The following CNTLN variants were observed in gnomAD, a reference collection of about 807,000 sequenced individuals.
The protein encoded by CNTLN is centlein, centrosomal protein.
CNTLN carries 212 observed loss-of-function variants against 180.0 expected under a neutral mutation model. The ratio of observed to expected loss-of-function variants is 1.18; its 90% CI spans 1.05 to 1.32. The LOEUF is 1.32. CNTLN is among the 40% of genes most tolerant of loss of function. The pLI is 0.00. For synonymous variants in CNTLN, 722 were observed against 563.1 expected, an observed-to-expected ratio of 1.28 and a Z score of -3.99; for missense variants, 2,095 against 1,610.9, an observed-to-expected ratio of 1.30 and a Z score of -5.14.
At chr9:17,160,047 A>T (rs368819150) in intron 2 of CNTLN, among the ~76,000 whole-genome samples, 5 of 152,186 alleles carry the variant, frequency 3.3e-5, no homozygotes, top group African/African-American at 1.2e-4. Context: ...TGTGATAGAG[A>T]TTGTGAATTC....
chr9:17,275,882 C>G (rs1417698293), intron 6 of CNTLN, among the ~76,000 whole-genome samples: 4 of 151,940 alleles, frequency 2.6e-5, no homozygotes, highest in African/African-American at 4.8e-5. Flanking sequence ...AATGCAGGAA[C>G]AAAAAACCAA....
chr9:17,218,950 A>G (rs1823946488), intron 2 of CNTLN, among the ~76,000 whole-genome samples: 1 of 152,154 alleles, frequency 6.6e-6, no homozygotes, highest in South Asian at 2.1e-4. Context: ...ATGATTCAGA[A>G]TAATTTCTCA....
intron 5 of CNTLN, among the ~76,000 whole-genome samples, chr9:17,238,891 A>G (rs1487736589): frequency 6.6e-6 from 1 of 152,152 alleles, no homozygotes; most frequent in African/African-American, 2.4e-5. Flanking sequence ...AGGAACTGCT[A>G]GACTATTTTC....
At chr9:17,518,271 A>G in the CNTLN span, among the ~76,000 whole-genome samples, 99 of 147,472 alleles carry the variant, frequency 6.7e-4, no homozygotes, top group African/African-American at 2.3e-3. Flanking sequence ...CTGGTCTTGA[A>G]CTCCTGACCT....
intron 5 of CNTLN, among the ~76,000 whole-genome samples, chr9:17,264,525 G>T (rs1827258497): frequency 6.7e-6 from 1 of 150,086 alleles, no homozygotes; most frequent in Non-Finnish European, 1.5e-5. Flanking sequence ...TGGGTGATGT[G>T]GGCTCTCTTT....
intron 2 of CNTLN, among the ~76,000 whole-genome samples, chr9:17,225,412 C>G (rs373722984): frequency 1.1e-4 from 17 of 152,020 alleles, no homozygotes; most frequent in East Asian, 7.7e-4. Context: ...ATTTGTGATT[C>G]TCACAGATAT....
intron 2 of CNTLN, among the ~76,000 whole-genome samples, chr9:17,172,072 G>A (rs1276157180): frequency 6.6e-6 from 1 of 152,144 alleles, no homozygotes. Flanking sequence ...TAGTGCAGCT[G>A]TAGTTCTGGG....
chr9:17,227,915 C>T (rs1824573664), intron 3 of CNTLN, among the ~76,000 whole-genome samples: 2 of 152,016 alleles, frequency 1.3e-5, no homozygotes, highest in African/African-American at 4.8e-5. Flanking sequence ...TAAATGTTGT[C>T]ATGTGCCTGG....
intron 18 of CNTLN, among the ~76,000 whole-genome samples, chr9:17,444,476 C>T (rs964382801): frequency 1.3e-5 from 2 of 152,120 alleles, no homozygotes; most frequent in African/African-American, 4.8e-5. Flanking sequence ...CATTGCAGTA[C>T]TTATGTATTC....
intron 23 of CNTLN, among the ~76,000 whole-genome samples, chr9:17,477,823 C>A (rs979604456): frequency 6.6e-6 from 1 of 152,206 alleles, no homozygotes; most frequent in African/African-American, 2.4e-5. Context: ...ATTCCATAAA[C>A]TTAGTTGATA....
intron 2 of CNTLN, among the ~76,000 whole-genome samples, chr9:17,225,770 T>C (rs1271272842): frequency 6.6e-6 from 1 of 151,992 alleles, no homozygotes; most frequent in Non-Finnish European, 1.5e-5. Context: ...TATAGGAAGG[T>C]GTCAGAAATC....
At chr9:17,365,202 T>C (rs1177862154) in intron 12 of CNTLN, among the ~76,000 whole-genome samples, 2 of 152,246 alleles carry the variant, frequency 1.3e-5, no homozygotes, top group South Asian at 2.1e-4. Context: ...TGCTGTTCCA[T>C]TGATAGTGAG....
chr9:17,339,821 T>C (rs1021704480), intron 10 of CNTLN, among the ~76,000 whole-genome samples: 6 of 152,172 alleles, frequency 3.9e-5, no homozygotes, highest in African/African-American at 1.2e-4. Flanking sequence ...TTTATATATA[T>C]CTAAAAATGA....
chr9:17,452,405 GA>G (rs1409976517), intron 18 of CNTLN, among the ~76,000 whole-genome samples: 6 of 152,118 alleles, frequency 3.9e-5, no homozygotes, highest in African/African-American at 1.4e-4. Context: ...TCTAAGCTAG[GA>G]CATTCAATGC....
chr9:17,430,751 T>C (rs1297867878), intron 18 of CNTLN, among the ~76,000 whole-genome samples: 7 of 152,116 alleles, frequency 4.6e-5, no homozygotes, highest in Non-Finnish European at 2.9e-5. Context: ...ACTCACTACC[T>C]TCAAGTGATC....
intron 17 of CNTLN, 27 bp downstream of exon 17, chr9:17,415,908 A>G: frequency 6.3e-7 from 1 of 1,588,818 alleles, no homozygotes; most frequent in Non-Finnish European, 8.6e-7. Context: ...AATTAACAAT[A>G]TGTCTTTTAC....
rs554073349 is a variant in CNTLN, at chr9:17,456,425, G to A, written c.3115-1099G>A. ...TGTTACCAAAACAGTTTGATCTCAA[G>A]TATATCAAGTTCTAGTTTTGAGTCC... On this transcript the variant is annotated intron_variant, in intron 18 of 25. Coordinates refer to ENST00000380647, the MANE Select transcript of CNTLN (RefSeq NM_017738.4). 2.6e-5 allele frequency among the ~76,000 whole-genome samples: 4 copies of A among 152,072 alleles called. No homozygotes were observed. The East Asian group carries it at 5.8e-4, about 22-fold the overall frequency.
the CNTLN span, among the ~76,000 whole-genome samples, chr9:17,517,351 C>G: frequency 6.6e-6 from 1 of 151,172 alleles, no homozygotes; most frequent in Non-Finnish European, 1.5e-5. Context: ...AAGATTGCAC[C>G]CCTGCACTCC....
At chr9:17,243,755 C>T (rs1346145453) in intron 5 of CNTLN, among the ~76,000 whole-genome samples, 1 of 152,122 alleles carries the variant, frequency 6.6e-6, no homozygotes, top group African/African-American at 2.4e-5. Flanking sequence ...GAACGAGCTA[C>T]ATGCTGAGGA....
Sources: allele counts gnomAD v4.1 joint callset (sites outside exome capture counted in the v4.1 genomes callset), GRCh38; gene constraint gnomAD v4.1.1; transcripts MANE v1.5; gene names NCBI Gene and HGNC (gene_info 2026-07-23, HGNC 2026-07-21).